Variants in OSBPL2 observed in about 807,000 individuals in gnomAD.
OSBPL2 encodes oxysterol-binding protein-related protein 2.
OSBPL2 carries 18 observed loss-of-function variants against 58.4 expected under a neutral mutation model. The observed-to-expected ratio is 0.31, with a 90% confidence interval of 0.21 to 0.46. The LOEUF is 0.46. OSBPL2 is among the 20% of genes least tolerant of loss of function. OSBPL2 has a pLI of 1.00. For synonymous variants in OSBPL2, 221 were observed against 234.1 expected, an observed-to-expected ratio of 0.94 and a Z score of 0.51; for missense variants, 461 against 616.5, an observed-to-expected ratio of 0.75 and a Z score of 2.67.
chr20:62,280,874 G>A (rs183251900), intron 7 of OSBPL2, among the ~76,000 whole-genome samples, 184 bp from the exon 8 acceptor site: 1 of 152,348 alleles, frequency 6.6e-6, no homozygotes, highest in Non-Finnish European at 1.5e-5. Flanking sequence ...ACAAAGGAAA[G>A]AAGAAGTACA....
At chr20:62,271,483 G>T (rs954118840) in intron 4 of OSBPL2, among the ~76,000 whole-genome samples, 3 of 151,960 alleles carry the variant, frequency 2.0e-5, no homozygotes, top group African/African-American at 7.3e-5. Flanking sequence ...ACGGAGTCTG[G>T]CTCTGTCTCC....
chr20:62,258,645 C>T (rs1043341045), intron 2 of OSBPL2, among the ~76,000 whole-genome samples: 4 of 152,088 alleles, frequency 2.6e-5, no homozygotes, highest in Non-Finnish European at 5.9e-5. Context: ...TTGGCTGAGT[C>T]GGAGGCTGTG....
chr20:62,253,998 A>G (rs1259915589), intron 1 of OSBPL2, among the ~76,000 whole-genome samples: 1 of 152,020 alleles, frequency 6.6e-6, no homozygotes, highest in Non-Finnish European at 1.5e-5. Context: ...GGGTTTCATC[A>G]TGTTGGCCAG....
At chr20:62,275,978 C>G (rs1246126673) in intron 6 of OSBPL2, among the ~76,000 whole-genome samples, 1 of 150,234 alleles carries the variant, frequency 6.7e-6, no homozygotes, top group Non-Finnish European at 1.5e-5. Flanking sequence ...GGCATGATCT[C>G]CACTCGCTGC....
chr20:62,288,137 G>A lies in OSBPL2; in HGVS notation c.1126-1070G>A, dbSNP rs939570188. On this transcript the variant is annotated intron_variant, in intron 11 of 13. Transcript: ENST00000313733. This position sits in a 1 kb window ranked among gnomAD's most constrained non-coding sequence, Gnocchi z 4.8. ...AGGGCCCAGGGGGCCATGGGGATGA[G>A]GGTGGAGGGGGTGCAGGGGTCTCCA... Among the ~76,000 whole-genome samples the A allele has an allele frequency of 1.3e-5, 2 of 152,228 alleles. No individual in the cohort carries two copies. Among genetic ancestry groups the A allele is most frequent in the South Asian group, 4.1e-4 (2 of 4,836 alleles).
intron 11 of OSBPL2, among the ~76,000 whole-genome samples, chr20:62,287,223 AAAT>A (rs869158052): frequency 2.0e-5 from 1 of 49,286 alleles, no homozygotes; most frequent in Admixed American, 1.7e-4. Context: ...GTTTTATGAC[AAAT>A]AAAATATGTG....
Position 62,256,119 on chromosome 20 carries a change from T to G in OSBPL2, c.-66T>G. ...TGTAAAATTCCTTACACTGTAGATG[T>G]GGATCAGATACGATGATTCAGTAGA... is the stretch of plus-strand genomic sequence containing the variant. On this transcript the variant is annotated 5_prime_UTR_variant, in exon 2 of 14. Transcript: ENST00000313733. 1 of 1,549,836 alleles carries G rather than the reference T, an allele frequency of 6.5e-7. No individual in the cohort carries two copies. Among genetic ancestry groups the G allele is most frequent in the South Asian group, 1.1e-5 (1 of 88,884 alleles).
rs561017313 is a variant in OSBPL2 at position 62,280,292 on chromosome 20, GAGAAGCCCCTGA to G, written c.675-765_675-754del. The G allele has an allele frequency of 3.4e-4, 135 of 393,132 alleles. 3 individuals carry two copies. In the East Asian group the frequency reaches 8.1e-3, roughly 24 times the overall value. 24.4% of individuals were successfully genotyped at this position (393,132 alleles called of 1,614,324 possible). A position where few individuals can be genotyped will look rare whatever the true frequency, so the allele number is the denominator to read the frequency against. ...GGCTAGAAGGTTCCACAAGGACCTGGAGAAGCCCCTGAGAGTGTGTCCTGGGGCTGGTATGGC... is the reference window on the plus strand; with the variant it reads ...GGCTAGAAGGTTCCACAAGGACCTGGGAGTGTGTCCTGGGGCTGGTATGGC... On this transcript the variant is annotated intron_variant, in intron 7 of 13. Coordinates refer to ENST00000313733, the MANE Select transcript of OSBPL2 (RefSeq NM_144498.4).
rs534854650 is a variant in OSBPL2, at chr20:62,248,841, G to A, written c.-128-7216G>A. Among the ~76,000 whole-genome samples, 4 of 152,180 alleles carry A rather than the reference G, an allele frequency of 2.6e-5. No homozygotes were observed. The East Asian group carries it at 7.7e-4, about 29-fold the overall frequency. On this transcript the variant is annotated intron_variant, in intron 1 of 13. Coordinates refer to ENST00000313733, the MANE Select transcript of OSBPL2 (RefSeq NM_144498.4). ...AAGTAGCTGGGACTTATAGGCACGT[G>A]CCACTGTGCCCAGCTAATTTATTTT...
At chr20:62,272,940 C>A (rs1338756899) in intron 5 of OSBPL2, among the ~76,000 whole-genome samples, 2 of 152,180 alleles carry the variant, frequency 1.3e-5, no homozygotes, top group Non-Finnish European at 2.9e-5. Context: ...GTGCACATAA[C>A]GTGTGCACGT....
At chr20:62,290,522 T>G (rs957276879) in intron 12 of OSBPL2, among the ~76,000 whole-genome samples, 2 of 146,250 alleles carry the variant, frequency 1.4e-5, no homozygotes, top group East Asian at 4.2e-4. Flanking sequence ...GTTCAGGCCA[T>G]TCTCCTGCCT....
At chr20:62,248,958 A>G (rs879314687) in intron 1 of OSBPL2, among the ~76,000 whole-genome samples, 11 of 152,004 alleles carry the variant, frequency 7.2e-5, no homozygotes, top group Non-Finnish European at 8.8e-5. Flanking sequence ...TTGGCTTCCC[A>G]AGGTATTGGG....
Position 62,293,795 on chromosome 20 carries a change from C to T in OSBPL2, c.1351C>T (p.Pro451Ser). The T allele has an allele frequency of 6.2e-7, 1 of 1,613,804 alleles. No individual in the cohort carries two copies. The highest frequency in any genetic ancestry group is 8.5e-7 in the Non-Finnish European group (1 of 1,179,892). Residue 451 changes from proline to serine, a missense_variant, in exon 14 of 14, where the codon CCA becomes TCA. Physicochemically the swap from Pro to Ser is moderately conservative, Grantham distance 74 (BLOSUM62 -1). Around this residue, in one of 5 missense-constraint regions of OSBPL2, gnomAD observed 319 missense variants for 419.2 expected, o/e 0.76. Transcript: ENST00000313733. ...EAEWQTRWFY[P>S]GNNPYTGTPD... Reference sequence around the variant, plus strand: ...CCTTGTATCCGGCAGGTGGTTCTACCCAGGCAATAACCCCTACACTGGGAC... The same window carrying T: ...CCTTGTATCCGGCAGGTGGTTCTACTCAGGCAATAACCCCTACACTGGGAC...
rs1377264625 is a variant in OSBPL2 at position 62,276,223 on chromosome 20, G to C, written c.491+2817G>C. ...TGAGCCACCACGCCTGGCCATGATTGAGATTTTTATCAATAGTGAGCAAAT... is the reference window on the plus strand; with the variant it reads ...TGAGCCACCACGCCTGGCCATGATTCAGATTTTTATCAATAGTGAGCAAAT... On this transcript the variant is annotated intron_variant, in intron 6 of 13. Transcript: ENST00000313733. Among the ~76,000 whole-genome samples, 8 of 152,278 alleles carry C rather than the reference G, an allele frequency of 5.3e-5. No homozygotes were observed. The South Asian group carries it at 1.7e-3, about 32-fold the overall frequency.
chr20:62,263,879 C>G (rs565114167), intron 4 of OSBPL2, among the ~76,000 whole-genome samples, 188 bp downstream of exon 4: 1 of 152,176 alleles, frequency 6.6e-6, no homozygotes, highest in South Asian at 2.1e-4. Context: ...TCCTGGCTAA[C>G]ACAGTGAAAC....
At chr20:62,262,957 A>G (rs1182281561) in intron 3 of OSBPL2, among the ~76,000 whole-genome samples, 3 of 151,878 alleles carry the variant, frequency 2.0e-5, no homozygotes, top group Non-Finnish European at 4.4e-5. Context: ...CCCAAATCCA[A>G]GTTTATGTCT....
At chr20:62,273,447 A>G in intron 6 of OSBPL2, 41 bp downstream of exon 6, 2 of 1,389,186 alleles carry the variant, frequency 1.4e-6, no homozygotes, top group Non-Finnish European at 2.0e-6. Context: ...TTGTAAATGG[A>G]ATTCCTTGGA....
intron 12 of OSBPL2, among the ~76,000 whole-genome samples, chr20:62,290,585 A>G (rs1983440136): frequency 6.7e-6 from 1 of 149,252 alleles, no homozygotes; most frequent in South Asian, 2.1e-4. Flanking sequence ...ACGCCCGGTT[A>G]ATTTTTTGTA....
intron 1 of OSBPL2, among the ~76,000 whole-genome samples, chr20:62,240,442 G>A (rs1057010170): frequency 1.3e-5 from 2 of 152,136 alleles, no homozygotes; most frequent in African/African-American, 4.8e-5. Flanking sequence ...CGAGCATGTC[G>A]TATTCACTTT....
Sources: gnomAD v4.1 joint callset for allele counts (sites outside exome capture counted in the v4.1 genomes callset) on GRCh38, gnomAD v4.1.1 for gene constraint, gnomAD v4.1.1 regional missense constraint, Gnocchi (gnomAD v3.1) non-coding constraint, MANE v1.5 for transcripts, NCBI Gene and HGNC (gene_info 2026-07-23, HGNC 2026-07-21) for gene names.